Variants in ANO2 observed in about 807,000 individuals in gnomAD.
The protein encoded by ANO2 is anoctamin-2.
In ANO2, 101 loss-of-function variants were observed where a neutral mutation model predicts 124.2. The observed-to-expected ratio is 0.81, with a 90% CI of 0.69 to 0.96. ANO2 has a LOEUF of 0.96. Ranked by LOEUF, ANO2 falls within the 40% of genes least tolerant of loss-of-function variation. The pLI is 0.00. For missense variants in ANO2, 1,293 were observed against 1,274.5 expected (o/e 1.01, Z -0.22); for synonymous variants, 486 against 482.5 (o/e 1.01, Z -0.09).
At chr12:5,942,556 A>T (rs561343570) in intron 1 of ANO2, among the ~76,000 whole-genome samples, 1 of 152,272 alleles carries the variant, frequency 6.6e-6, no homozygotes, top group South Asian at 2.1e-4. Flanking sequence ...GAGCCACAAG[A>T]CCGCACACAA....
At chr12:5,577,919 C>T (rs774381600) in intron 22 of ANO2, 36 bp downstream of exon 22, 1 of 1,603,426 alleles carries the variant, frequency 6.2e-7, no homozygotes, top group South Asian at 1.1e-5. Flanking sequence ...GAAGCCCTTC[C>T]CACAGAGCGA....
At chr12:5,874,864 G>A (rs904773147) in intron 3 of ANO2, among the ~76,000 whole-genome samples, 21 of 152,280 alleles carry the variant, frequency 1.4e-4, no homozygotes, top group Middle Eastern at 6.8e-3. Flanking sequence ...TAAAGTGCAG[G>A]CCACGTGGTT....
At chr12:5,851,575 A>G (rs2137250148) in intron 4 of ANO2, among the ~76,000 whole-genome samples, 1 of 151,954 alleles carries the variant, frequency 6.6e-6, no homozygotes, top group East Asian at 1.9e-4. Context: ...ATCCCAGCTA[A>G]TCGGGAAGTT....
chr12:5,590,638 G>A (rs1211578212), intron 20 of ANO2, among the ~76,000 whole-genome samples: 5 of 152,234 alleles, frequency 3.3e-5, no homozygotes, highest in Non-Finnish European at 2.9e-5. Context: ...GCCTCAGTAG[G>A]TGGTTTCTAA....
intron 16 of ANO2, among the ~76,000 whole-genome samples, chr12:5,619,896 T>C (rs1945024288): frequency 1.3e-5 from 2 of 152,162 alleles, no homozygotes; most frequent in Non-Finnish European, 2.9e-5. Flanking sequence ...ACTTGTAACT[T>C]TCCTAAGTGA....
At position 5,754,350 on chromosome 12, in the gene ANO2, G is replaced by A. The variant is rs200112086; in HGVS notation, c.1056-3380C>T. 2.0e-5 allele frequency among the ~76,000 whole-genome samples: 3 copies of A among 152,244 alleles called. No homozygotes were observed. The East Asian group carries it at 5.8e-4, about 29-fold the overall frequency. ...TTTTGTTGAATAGTTTTGCATCTACGTTCATCAGGGATGTTGACCTATAGT... is the reference window on the plus strand; with the variant it reads ...TTTTGTTGAATAGTTTTGCATCTACATTCATCAGGGATGTTGACCTATAGT... On this transcript the variant is annotated intron_variant, in intron 10 of 24. Coordinates refer to ENST00000682330, the MANE Select transcript of ANO2 (RefSeq NM_001364791.2).
intron 3 of ANO2, among the ~76,000 whole-genome samples, chr12:5,914,921 G>A (rs1427330546): frequency 1.3e-5 from 2 of 152,146 alleles, no homozygotes; most frequent in East Asian, 3.9e-4. Context: ...CTCGCTCTCT[G>A]GGTCAAAGCA....
At chr12:5,578,151 T>C in intron 21 of ANO2, 144 bp from the exon 22 acceptor site, 1 of 1,253,568 alleles carries the variant, frequency 8.0e-7, no homozygotes, top group South Asian at 1.5e-5. Flanking sequence ...TGGAAAGGCT[T>C]AGGTAGCCCC....
intron 14 of ANO2, among the ~76,000 whole-genome samples, chr12:5,678,209 T>C (rs1424301177): frequency 3.9e-5 from 6 of 152,182 alleles, no homozygotes; most frequent in Non-Finnish European, 8.8e-5. Flanking sequence ...GCCTTAAAGA[T>C]GTCCTGACGC....
chr12:5,901,042 C>T lies in ANO2; in HGVS notation c.534+19998G>A, dbSNP rs117220115. On this transcript the variant is annotated intron_variant, in intron 3 of 24. Transcript: ENST00000682330. ...GTCACTGATTCTCCTCGTCCCATTCCCGACACGCTTTGCTTTCTGAAGCCT... is the reference window on the plus strand; with the variant it reads ...GTCACTGATTCTCCTCGTCCCATTCTCGACACGCTTTGCTTTCTGAAGCCT... Among the ~76,000 whole-genome samples the T allele has an allele frequency of 9.5e-3, 1,441 of 152,306 alleles. 13 individuals are homozygous for T. Among genetic ancestry groups the T allele is most frequent in the Non-Finnish European group, 0.015 (1,023 of 68,028 alleles).
rs894432504 is a variant in ANO2 at position 5,900,750 on chromosome 12, T to G, written c.534+20290A>C. Among the ~76,000 whole-genome samples the G allele has an allele frequency of 6.6e-6, 1 of 152,036 alleles. No individual in the cohort carries two copies. Among genetic ancestry groups the G allele is most frequent in the Non-Finnish European group, 1.5e-5 (1 of 68,000 alleles). On this transcript the variant is annotated intron_variant, in intron 3 of 24. Transcript: ENST00000682330. This position sits in a 1 kb window ranked among gnomAD's most constrained non-coding sequence, Gnocchi z 4.2. The stretch of plus-strand genomic sequence containing the variant: ...CCAAGCACACAGCATCTTCCCAACC[T>G]CCCCTCTGGTGCTCAGTCACTTCAT...
In ANO2 at chr12:5,676,986, G is replaced by A. The variant is rs182920249; in HGVS notation, c.1546-29185C>T. On this transcript the variant is annotated intron_variant, in intron 14 of 24. Coordinates refer to ENST00000682330, the MANE Select transcript of ANO2 (RefSeq NM_001364791.2). The stretch of plus-strand genomic sequence containing the variant: ...GGAGAATCACTTGAACCTGGCAGGT[G>A]GAGGTTGCAGTAAGCCAAGATCATA... Among the ~76,000 whole-genome samples the A allele has an allele frequency of 5.3e-5, 8 of 152,256 alleles. No individual in the cohort carries two copies. In the East Asian group the frequency reaches 1.5e-3, roughly 29 times the overall value.
At chr12:5,786,170 C>G (rs531780522) in intron 10 of ANO2, among the ~76,000 whole-genome samples, 4 of 152,094 alleles carry the variant, frequency 2.6e-5, no homozygotes, top group African/African-American at 7.2e-5. Flanking sequence ...ACTTGACCCC[C>G]CTGTGAGATC....
intron 14 of ANO2, among the ~76,000 whole-genome samples, chr12:5,649,846 A>G (rs1437864750): frequency 1.3e-5 from 2 of 152,068 alleles, no homozygotes; most frequent in African/African-American, 4.8e-5. Flanking sequence ...GGATTTCACC[A>G]TATTAGCCAG....
intron 14 of ANO2, among the ~76,000 whole-genome samples, chr12:5,707,124 C>T (rs952467822): frequency 3.3e-5 from 5 of 152,120 alleles, no homozygotes; most frequent in African/African-American, 9.7e-5. Flanking sequence ...ATCATGGGGA[C>T]GGTTTCCCCC....
Position 5,658,533 on chromosome 12 carries a change from T to A in ANO2, c.1546-10732A>T, listed in dbSNP as rs2136969300. 6.6e-6 allele frequency among the ~76,000 whole-genome samples: 1 copy of A among 152,220 alleles called. No individual in the cohort carries two copies. The highest frequency in any genetic ancestry group is 1.9e-4 in the East Asian group (1 of 5,186). On this transcript the variant is annotated intron_variant, in intron 14 of 24. Coordinates refer to ENST00000682330, the MANE Select transcript of ANO2 (RefSeq NM_001364791.2). This position sits in a 1 kb window ranked among gnomAD's most constrained non-coding sequence, Gnocchi z 4.3. ...AATATAATCATCAACATCAATATCA[T>A]CGTATCAAAATCAATATAATCACCA... is the stretch of plus-strand genomic sequence containing the variant.
chr12:5,659,412 C>T (rs1226428672), intron 14 of ANO2, among the ~76,000 whole-genome samples: 1 of 152,160 alleles, frequency 6.6e-6, no homozygotes. Context: ...AGCTGAGCCT[C>T]CAGGTCCCAC....
chr12:5,772,385 T>G (rs1198846096), intron 10 of ANO2, among the ~76,000 whole-genome samples: 1 of 152,248 alleles, frequency 6.6e-6, no homozygotes, highest in Non-Finnish European at 1.5e-5. Flanking sequence ...ACAGAAGTCC[T>G]TGCCGTAGTC....
intron 3 of ANO2, among the ~76,000 whole-genome samples, chr12:5,906,631 C>T (rs1378594566): frequency 6.6e-6 from 1 of 151,960 alleles, no homozygotes; most frequent in Non-Finnish European, 1.5e-5. Context: ...CCAGTCTCTA[C>T]TAAAAATACA....
Sources: allele counts gnomAD v4.1 joint callset (sites outside exome capture counted in the v4.1 genomes callset), GRCh38; gene constraint gnomAD v4.1.1; non-coding constraint Gnocchi (gnomAD v3.1); transcripts MANE v1.5; gene names NCBI Gene and HGNC (gene_info 2026-07-23, HGNC 2026-07-21).